Variants in EPM2A observed in about 807,000 individuals in gnomAD.
The protein encoded by EPM2A is laforin.
A neutral mutation model predicts 26.5 loss-of-function variants in EPM2A; 21 were observed. The observed-to-expected ratio is 0.79, with a 90% CI of 0.56 to 1.14. The LOEUF (loss-of-function observed/expected upper bound fraction) is 1.14. Among genes scored for constraint, EPM2A ranks in the 50% most tolerant of loss-of-function variants. EPM2A has a pLI of 0.00. For synonymous variants in EPM2A, 217 were observed against 177.6 expected, an observed-to-expected ratio of 1.22 and a Z score of -1.76; for missense variants, 458 against 440.8, an observed-to-expected ratio of 1.04 and a Z score of -0.35.
intron 4 of EPM2A, among the ~76,000 whole-genome samples, chr6:145,455,453 G>A (rs1779251985): frequency 6.6e-6 from 1 of 152,108 alleles, no homozygotes; most frequent in South Asian, 2.1e-4. Context: ...CGCCTCCTGG[G>A]TTCAAGTGAT....
chr6:145,595,359 C>T (rs1244122724), intron 2 of EPM2A, among the ~76,000 whole-genome samples: 1 of 151,592 alleles, frequency 6.6e-6, no homozygotes, highest in African/African-American at 2.4e-5. Context: ...GGCCTATTCT[C>T]CAAGAAGACA....
chr6:145,666,954 T>C (rs1779249007), intron 2 of EPM2A, among the ~76,000 whole-genome samples: 2 of 130,712 alleles, frequency 1.5e-5, no homozygotes, highest in South Asian at 5.1e-4. Flanking sequence ...GAAAACTGGC[T>C]AGCCATATGT....
At chr6:145,472,247 G>A (rs771196709) in intron 4 of EPM2A, among the ~76,000 whole-genome samples, 2 of 151,756 alleles carry the variant, frequency 1.3e-5, no homozygotes, top group Admixed American at 6.6e-5. Context: ...TGGGCCCTGA[G>A]TAACCAGCAG....
intron 2 of EPM2A, among the ~76,000 whole-genome samples, chr6:145,503,587 T>G (rs1779926364): frequency 1.1e-5 from 1 of 88,070 alleles, no homozygotes. Context: ...CTCAAGGAAA[T>G]AAAAGAGGAC....
At chr6:145,509,086 A>G (rs1780017653) in intron 2 of EPM2A, among the ~76,000 whole-genome samples, 1 of 152,186 alleles carries the variant, frequency 6.6e-6, no homozygotes, top group South Asian at 2.1e-4. Context: ...GAAATATAGG[A>G]TTATGTAAAG....
Position 145,568,508 on chromosome 6 carries a change from A to C in EPM2A, c.341-65933T>G, listed in dbSNP as rs144851558. 4.3e-3 allele frequency among the ~76,000 whole-genome samples: 652 copies of C among 152,078 alleles called. 5 individuals are homozygous for C. The highest frequency in any genetic ancestry group is 0.014 in the African/African-American group (564 of 41,460). ...CAGCTAATTTTTGTATTTTAAGTAG[A>C]AACGCGGTTTCTCCAGGTTGACCAG... On this transcript the variant is annotated intron_variant, in intron 2 of 3. Transcript: ENST00000450221.
intron 1 of EPM2A, chr6:145,734,586 A>G (rs1776708705): frequency 6.6e-6 from 1 of 152,246 alleles, no homozygotes; most frequent in Non-Finnish European, 1.5e-5. Flanking sequence ...ACGTTTTTCC[A>G]TTAGTTCATT....
At chr6:145,604,686 C>A (rs1781459499) in intron 2 of EPM2A, among the ~76,000 whole-genome samples, 1 of 152,060 alleles carries the variant, frequency 6.6e-6, no homozygotes, top group Admixed American at 6.6e-5. Flanking sequence ...GCACTTACTC[C>A]AGAGCCTGAG....
chr6:145,475,954 G>A (rs1411377072), intron 4 of EPM2A, among the ~76,000 whole-genome samples: 7 of 151,946 alleles, frequency 4.6e-5, no homozygotes, highest in Non-Finnish European at 8.8e-5. Context: ...AATGTAAATG[G>A]ACTAAACCCT....
At position 145,626,662 on chromosome 6, in the gene EPM2A, C is replaced by A. The variant is rs1224468022; in HGVS notation, c.*754G>T. On this transcript the variant is annotated 3_prime_UTR_variant, in exon 4 of 4. Transcript: ENST00000367519. ...ATTATTAACTCCAGCTTGCCCTTGACTGGTCATGAGACCTTGGACAAGCTA... is the reference window on the plus strand; with the variant it reads ...ATTATTAACTCCAGCTTGCCCTTGAATGGTCATGAGACCTTGGACAAGCTA... 1.0e-6 allele frequency: 1 copy of A among 979,584 alleles called. No individual in the cohort carries two copies. The highest frequency in any genetic ancestry group is 1.2e-6 in the Non-Finnish European group (1 of 824,596). The allele number at this position is 979,584 out of a possible 1,614,324, so 60.7% of individuals were successfully genotyped here. A position where few individuals can be genotyped will look rare whatever the true frequency, so the allele number is the denominator to read the frequency against.
At chr6:145,503,033 CT>C (rs1229054400) in intron 2 of EPM2A, among the ~76,000 whole-genome samples, 2 of 152,170 alleles carry the variant, frequency 1.3e-5, no homozygotes, top group Non-Finnish European at 2.9e-5. Context: ...TTTAGTGATG[CT>C]TCCATAACCA....
At chr6:145,495,499 A>G (rs1779805566) in intron 4 of EPM2A, among the ~76,000 whole-genome samples, 1 of 152,076 alleles carries the variant, frequency 6.6e-6, no homozygotes, top group African/African-American at 2.4e-5. Flanking sequence ...TAAGGTTAGT[A>G]TTGTTATGTG....
At chr6:145,685,631 TG>T (rs1363970606) in intron 2 of EPM2A, among the ~76,000 whole-genome samples, 1 of 152,182 alleles carries the variant, frequency 6.6e-6, no homozygotes, top group African/African-American at 2.4e-5. Flanking sequence ...AGCAACCTCC[TG>T]GTTTAGGAAT....
At chr6:145,649,818 C>A (rs1777746624) in intron 2 of EPM2A, among the ~76,000 whole-genome samples, 1 of 152,138 alleles carries the variant, frequency 6.6e-6, no homozygotes, top group African/African-American at 2.4e-5. Flanking sequence ...ATCATTTAGC[C>A]TAGAAAGCCT....
At chr6:145,636,654 G>C (rs1776707110) in intron 2 of EPM2A, 1 of 152,192 alleles carries the variant, frequency 6.6e-6, no homozygotes, top group Non-Finnish European at 1.5e-5. Context: ...AGCTGGCGCA[G>C]TGGCTCACGC....
At chr6:145,415,339 G>A (rs904984857) in intron 4 of EPM2A, among the ~76,000 whole-genome samples, 8 of 152,140 alleles carry the variant, frequency 5.3e-5, no homozygotes, top group African/African-American at 1.9e-4. Context: ...CTGTGAAGTC[G>A]TTCCACATTT....
chr6:145,707,651 C>G (rs1782298697), intron 1 of EPM2A, among the ~76,000 whole-genome samples: 1 of 152,150 alleles, frequency 6.6e-6, no homozygotes, highest in Non-Finnish European at 1.5e-5. Context: ...CGTGATTTTG[C>G]CCTTCTTTTG....
At chr6:145,580,162 T>A (rs529724925) in intron 2 of EPM2A, among the ~76,000 whole-genome samples, 5 of 152,292 alleles carry the variant, frequency 3.3e-5, no homozygotes, top group African/African-American at 1.2e-4. Flanking sequence ...AGATCCATAC[T>A]TCCATCTGGT....
chr6:145,562,126 A>C (rs1780814220), intron 2 of EPM2A, among the ~76,000 whole-genome samples: 1 of 108,858 alleles, frequency 9.2e-6, no homozygotes, highest in Non-Finnish European at 2.0e-5. Context: ...GATTACAAAA[A>C]GGAAAAAAAA....
Sources: allele counts gnomAD v4.1 joint callset (sites outside exome capture counted in the v4.1 genomes callset), GRCh38; gene constraint gnomAD v4.1.1; transcripts MANE v1.5; gene names NCBI Gene and HGNC (gene_info 2026-07-23, HGNC 2026-07-21).